CGN: variants seen among roughly 807,000 people sequenced by gnomAD.
The protein encoded by CGN is cingulin.
CGN carries 121 observed loss-of-function variants against 157.1 expected under a neutral mutation model. The ratio of observed to expected loss-of-function variants is 0.77; its 90% CI spans 0.66 to 0.90. The LOEUF (loss-of-function observed/expected upper bound fraction) is 0.90. Among genes scored for constraint, CGN ranks in the 40% least tolerant of loss-of-function variants. The probability of loss-of-function intolerance (pLI) is 0.00; values close to 1 mark genes in which losing one functional copy is unlikely to be tolerated. For missense variants in CGN, 1,424 were observed against 1,520.9 expected, an observed-to-expected ratio of 0.94 and a Z score of 1.06; for synonymous variants, 535 against 607.5, an observed-to-expected ratio of 0.88 and a Z score of 1.76.
At chr1:151,532,360 C>T in intron 13 of CGN, 42 bp from the exon 14 acceptor site, 2 of 1,398,460 alleles carry the variant, frequency 1.4e-6, no homozygotes, top group Non-Finnish European at 1.9e-6. Flanking sequence ...TGGAGAGGGT[C>T]ATTTATGTAC....
chr1:151,524,569 C>T lies in CGN; in HGVS notation c.1402-105C>T. Reference sequence around the variant, plus strand: ...GGGCTCCAGTACTGGTACTAGAGCACCTGGTACTGTGCCTAATACGATAAA... The same window carrying T: ...GGGCTCCAGTACTGGTACTAGAGCATCTGGTACTGTGCCTAATACGATAAA... On this transcript the variant is annotated intron_variant, in intron 7 of 20. Coordinates refer to ENST00000271636, the MANE Select transcript of CGN (RefSeq NM_020770.3). The surrounding 1 kb of genome is among the most constrained non-coding windows in gnomAD (Gnocchi z 4.4). 1 of 1,184,710 alleles carries T rather than the reference C, an allele frequency of 8.4e-7. No homozygotes were observed. Among genetic ancestry groups the T allele is most frequent in the East Asian group, 2.5e-5 (1 of 39,768 alleles). The allele number at this position is 1,184,710 out of a possible 1,614,324, so 73.4% of individuals were successfully genotyped here.
chr1:151,518,978 C>G lies in CGN; in HGVS notation c.459C>G (p.Ser153Arg). The change falls in exon 2 of 21, where the codon AGC (serine) becomes AGG (arginine). Residue 153 changes from serine (S) to arginine (R), a missense_variant. By Grantham distance (110) the Ser-to-Arg change is moderately radical. Transcript: ENST00000271636. Reference sequence around the variant, plus strand: ...GCCCAGTGGATCCTAGTAACAGAAGCAACAGCATGCTGGAGCTAGCCCCGA... The same window carrying G: ...GCCCAGTGGATCCTAGTAACAGAAGGAACAGCATGCTGGAGCTAGCCCCGA... Reference protein sequence around the residue: ...GPGPVDPSNRSNSMLELAPKV... With the variant: ...GPGPVDPSNRRNSMLELAPKV... 6.2e-7 allele frequency: 1 copy of G among 1,614,212 alleles called. No individual in the cohort carries two copies. Among genetic ancestry groups the G allele is most frequent in the Non-Finnish European group, 8.5e-7 (1 of 1,180,036 alleles).
chr1:151,534,045 T>C lies in CGN; in HGVS notation c.2813T>C (p.Leu938Pro), dbSNP rs1451225478. The C allele has an allele frequency of 1.9e-6, 3 of 1,613,648 alleles. No homozygotes were observed. ...GACACAGCCCGGCTGGACAAAGAGCTACTGGCCCAGCGACTGCAGGGGCTG... is the reference window on the plus strand; with the variant it reads ...GACACAGCCCGGCTGGACAAAGAGCCACTGGCCCAGCGACTGCAGGGGCTG... Reference protein sequence around the residue: ...ERDTARLDKELLAQRLQGLEQ... With the variant: ...ERDTARLDKEPLAQRLQGLEQ... Residue 938 changes from leucine to proline, a missense_variant, in exon 15 of 21, where the codon CTA becomes CCA. Physicochemically the swap from Leu to Pro is moderately conservative, Grantham distance 98. Coordinates refer to ENST00000271636, the MANE Select transcript of CGN (RefSeq NM_020770.3).
At chr1:151,521,254 C>G (rs2102491203) in intron 5 of CGN, among the ~76,000 whole-genome samples, 1 of 152,282 alleles carries the variant, frequency 6.6e-6, no homozygotes, top group Non-Finnish European at 1.5e-5. Context: ...AAAAACATGT[C>G]TTCTGCCTTT....
chr1:151,530,234 C>T, intron 12 of CGN, 119 bp downstream of exon 12: 1 of 1,143,566 alleles, frequency 8.7e-7, no homozygotes, highest in Non-Finnish European at 1.2e-6. Context: ...CCTCCCCAAA[C>T]CTGCTCTGTT....
At chr1:151,511,337 G>C (rs1272329826), upstream of CGN, 1 of 153,416 alleles carries the variant, frequency 6.5e-6, no homozygotes, top group Non-Finnish European at 1.5e-5. The surrounding 1 kb of genome is among the most constrained non-coding windows in gnomAD (Gnocchi z 4.8). Context: ...ACGGCCCGCG[G>C]GGGTGGAGCT....
At chr1:151,534,505 C>A in intron 15 of CGN, 1 of 260,374 alleles carries the variant, frequency 3.8e-6, no homozygotes, top group South Asian at 4.4e-5. Flanking sequence ...GCACTTAAGA[C>A]TTAATCCTCA....
intron 2 of CGN, among the ~76,000 whole-genome samples, chr1:151,519,957 T>G (rs1664501627): frequency 6.6e-6 from 1 of 152,088 alleles, no homozygotes; most frequent in Non-Finnish European, 1.5e-5. Context: ...AGTGCAGAGG[T>G]GCATCCTGTG....
intron 19 of CGN, among the ~76,000 whole-genome samples, 169 bp downstream of exon 19, chr1:151,536,514 G>A (rs1032511462): frequency 6.6e-6 from 1 of 152,180 alleles, no homozygotes; most frequent in Non-Finnish European, 1.5e-5. Context: ...GTCATGGTAA[G>A]CGTATATATT....
chr1:151,516,930 C>T (rs575914159), intron 1 of CGN, among the ~76,000 whole-genome samples: 29 of 151,284 alleles, frequency 1.9e-4, no homozygotes, highest in African/African-American at 5.6e-4. Flanking sequence ...GAGGCTGAGG[C>T]GGGCAGATCA....
At chr1:151,521,163 TAA>T (rs1664535418) in intron 5 of CGN, among the ~76,000 whole-genome samples, 1 of 149,138 alleles carries the variant, frequency 6.7e-6, no homozygotes, top group South Asian at 2.1e-4. Context: ...AGAGGCTAAG[TAA>T]ATTGCCTATG....
chr1:151,528,546 A>C (rs1664753282), intron 10 of CGN, among the ~76,000 whole-genome samples: 1 of 151,118 alleles, frequency 6.6e-6, no homozygotes, highest in South Asian at 2.1e-4. Context: ...CTTCCCAAGC[A>C]GCTGGGATTA....
intron 13 of CGN, among the ~76,000 whole-genome samples, chr1:151,531,800 GTGCACATTTTATCATTTGTCAATGAAAAA>G (rs1664841914): frequency 6.6e-6 from 1 of 151,254 alleles, no homozygotes; most frequent in East Asian, 1.9e-4. Flanking sequence ...CAATTCTAAA[GTGCACATTTTATCATTTGTCAATGAAAAA>G]TGCACATCTT....
At position 151,518,546 on chromosome 1, in the gene CGN, G is replaced by GC; in HGVS notation, c.31dup (p.Arg11ProfsTer34). 6.2e-7 allele frequency: 1 copy of GC among 1,609,932 alleles called. No homozygotes were observed. ...TGGAGCAGGCACCCAACATGGCTGAGCCCCGGGGCCCCGTAGACCATGGAG... is the reference window on the plus strand; with the variant it reads ...TGGAGCAGGCACCCAACATGGCTGAGCCCCCGGGGCCCCGTAGACCATGGAG... On this transcript the variant is annotated frameshift_variant, in exon 2 of 21. Coordinates refer to ENST00000271636, the MANE Select transcript of CGN (RefSeq NM_020770.3). LOFTEE classifies it high-confidence loss of function.
chr1:151,522,137 G>A (rs1321624141), intron 5 of CGN, among the ~76,000 whole-genome samples: 1 of 152,100 alleles, frequency 6.6e-6, no homozygotes, highest in East Asian at 1.9e-4. Context: ...AGATGTGATG[G>A]CATGTGCCTG....
chr1:151,530,523 C>T lies in CGN; in HGVS notation c.2348C>T (p.Ala783Val), dbSNP rs1292331764. ...EKQQLEEALN[A>V]SQEEEGSLAA... is the part of the protein sequence containing the mutation. ...CAGCAGCTGGAGGAGGCCCTGAATG[C>T]GTCCCAGGAAGAGGAGGGGAGTCTG... Residue 783 changes from alanine to valine, a missense_variant, in exon 13 of 21, where the codon GCG becomes GTG. Transcript: ENST00000271636. The T allele has an allele frequency of 8.1e-6, 13 of 1,601,154 alleles. No homozygotes were observed. The highest frequency in any genetic ancestry group is 4.5e-5 in the South Asian group (4 of 89,682).
intron 1 of CGN, among the ~76,000 whole-genome samples, chr1:151,514,073 C>T (rs994963485): frequency 2.0e-5 from 3 of 152,202 alleles, no homozygotes; most frequent in African/African-American, 4.8e-5. Flanking sequence ...TAACCAAAGG[C>T]GGGTAGGTTT....
chr1:151,531,355 C>CG (rs1664832193), intron 13 of CGN, among the ~76,000 whole-genome samples: 1 of 152,206 alleles, frequency 6.6e-6, no homozygotes, highest in Non-Finnish European at 1.5e-5. Context: ...CAAGAATCTT[C>CG]AATGGCCAGC....
chr1:151,537,444 C>A lies in CGN; in HGVS notation c.*98C>A. ...CTGGGTTCTGCATTCCTATGGGTGA[C>A]CCAATTATTCAGACCTAAGACAGGG... On this transcript the variant is annotated 3_prime_UTR_variant, in exon 21 of 21. Transcript: ENST00000271636. 9.2e-7 allele frequency: 1 copy of A among 1,091,662 alleles called. No individual in the cohort carries two copies. The allele number at this position is 1,091,662 out of a possible 1,614,324, so 67.6% of individuals were successfully genotyped here.
Sources: allele counts gnomAD v4.1 joint callset (sites outside exome capture counted in the v4.1 genomes callset), GRCh38; gene constraint gnomAD v4.1.1; non-coding constraint Gnocchi (gnomAD v3.1); transcripts MANE v1.5; gene names NCBI Gene and HGNC (gene_info 2026-07-23, HGNC 2026-07-21).